Variants in MCC observed in about 807,000 individuals in gnomAD.
MCC encodes colorectal mutant cancer protein.
A neutral mutation model predicts 116.2 loss-of-function variants in MCC; 90 were observed. The observed-to-expected ratio is 0.77, with a 90% CI of 0.65 to 0.92. The LOEUF (loss-of-function observed/expected upper bound fraction) is 0.92, where lower values mean the gene tolerates loss of function less well. Ranked by LOEUF, MCC falls within the 40% of genes least tolerant of loss-of-function variation. MCC has a pLI of 0.00. For synonymous variants in MCC, 578 were observed against 510.5 expected, an observed-to-expected ratio of 1.13 and a Z score of -1.78; for missense variants, 1,516 against 1,312.2, an observed-to-expected ratio of 1.16 and a Z score of -2.40.
At chr5:113,191,156 G>A (rs1762131867) in intron 3 of MCC, among the ~76,000 whole-genome samples, 1 of 152,182 alleles carries the variant, frequency 6.6e-6, no homozygotes, top group African/African-American at 2.4e-5. Context: ...CAGAAGGTAG[G>A]AGGCTGCTTA....
chr5:113,160,917 A>G (rs1760447982), intron 3 of MCC, among the ~76,000 whole-genome samples: 1 of 152,164 alleles, frequency 6.6e-6, no homozygotes, highest in Non-Finnish European at 1.5e-5. Flanking sequence ...ACAAACACCT[A>G]ACTTTGCTGC....
At chr5:113,399,251 C>G (rs1373230539) in intron 1 of MCC, among the ~76,000 whole-genome samples, 2 of 152,214 alleles carry the variant, frequency 1.3e-5, no homozygotes, top group East Asian at 3.9e-4. Flanking sequence ...TTTGGGAGGC[C>G]GAGGCAGGCG....
intron 3 of MCC, among the ~76,000 whole-genome samples, chr5:113,284,258 G>C (rs1766161419): frequency 6.6e-6 from 1 of 152,212 alleles, no homozygotes; most frequent in Admixed American, 6.5e-5. Flanking sequence ...GCTGAGGTGG[G>C]ACGATCACTT....
rs1750337626 is a variant in MCC at position 113,023,848 on chromosome 5, TC to T, written c.*3453del. 6.6e-6 allele frequency: 1 copy of T among 152,232 alleles called. No homozygotes were observed. Among genetic ancestry groups the T allele is most frequent in the South Asian group, 2.1e-4 (1 of 4,830 alleles). The allele number at this position is 152,232 out of a possible 1,614,324, so 9.4% of individuals were successfully genotyped here. Reference sequence around the variant, plus strand: ...TTAAAAAGTGATTGCTTTATAATTCTCGTGGGCCATAGGAAACACCTTCAGA... The same window carrying T: ...TTAAAAAGTGATTGCTTTATAATTCTGTGGGCCATAGGAAACACCTTCAGA... On this transcript the variant is annotated 3_prime_UTR_variant, in exon 19 of 19. Coordinates refer to ENST00000408903, the MANE Select transcript of MCC (RefSeq NM_001085377.2).
intron 18 of MCC, 151 bp downstream of exon 18, chr5:113,028,783 T>C: frequency 2.4e-6 from 2 of 837,918 alleles, no homozygotes; most frequent in Non-Finnish European, 3.6e-6. Flanking sequence ...ACCAGGCTCT[T>C]AGAGAGCCAG....
At chr5:113,252,007 A>G (rs1335835812) in intron 3 of MCC, among the ~76,000 whole-genome samples, 4 of 152,232 alleles carry the variant, frequency 2.6e-5, no homozygotes, top group Non-Finnish European at 5.9e-5. Flanking sequence ...TTACCAGATT[A>G]AATCAAATAA....
intron 1 of MCC, among the ~76,000 whole-genome samples, chr5:113,430,138 T>C (rs972978423): frequency 2.0e-5 from 3 of 152,254 alleles, no homozygotes; most frequent in East Asian, 1.9e-4. Flanking sequence ...AAAGTATGTG[T>C]GACTCTGTTA....
chr5:113,078,112 T>A (rs1451439916), intron 11 of MCC, among the ~76,000 whole-genome samples: 3 of 151,826 alleles, frequency 2.0e-5, no homozygotes, highest in Non-Finnish European at 4.4e-5. Context: ...CGGGAAGGAG[T>A]TGAATCCCTG....
Position 113,053,949 on chromosome 5 carries a change from A to G in MCC, c.2224T>C (p.Ser742Pro), listed in dbSNP as rs1580937393. The G allele has an allele frequency of 6.2e-7, 1 of 1,611,564 alleles. No individual in the cohort carries two copies. The highest frequency in any genetic ancestry group is 8.5e-7 in the Non-Finnish European group (1 of 1,177,928). The change falls in exon 15 of 19, where the codon TCC (serine) becomes CCC (proline). Residue 742 changes from serine to proline, a missense_variant. Transcript: ENST00000408903. ...SSNSHTSTTS[S>P]TASSCDTEFT... ...TCGGTGTCGCAACTACTGGCTGTGG[A>G]GCTGGTTGTGCTGAGAAAGAAGAAA...
intron 11 of MCC, among the ~76,000 whole-genome samples, chr5:113,076,827 G>A (rs1458890913): frequency 6.6e-6 from 1 of 152,144 alleles, no homozygotes; most frequent in African/African-American, 2.4e-5. Context: ...AAATGTAAAT[G>A]GGCTAAATGT....
intron 6 of MCC, among the ~76,000 whole-genome samples, chr5:113,110,815 AAC>A (rs1274820143): frequency 6.6e-6 from 1 of 152,194 alleles, no homozygotes; most frequent in Non-Finnish European, 1.5e-5. Flanking sequence ...TTATTTTTAA[AAC>A]AGTTTTTGAG....
intron 7 of MCC, among the ~76,000 whole-genome samples, chr5:113,102,957 T>C (rs557265610): frequency 1.1e-4 from 16 of 151,766 alleles, no homozygotes; most frequent in Admixed American, 9.2e-4. Context: ...CTACTAAAAA[T>C]ACAAAATTTA....
chr5:113,077,071 T>C (rs368157455), intron 11 of MCC, among the ~76,000 whole-genome samples: 11,863 of 152,120 alleles, frequency 0.078, 516 homozygotes, highest in African/African-American at 0.084. Context: ...GGCCATTACA[T>C]AATGGTAAAG....
At chr5:113,362,837 T>C (rs767486528) in intron 2 of MCC, among the ~76,000 whole-genome samples, 1 of 152,186 alleles carries the variant, frequency 6.6e-6, no homozygotes, top group Non-Finnish European at 1.5e-5. Flanking sequence ...AACATAATTG[T>C]CTTTTTTTAC....
chr5:113,237,558 G>T (rs1402784883), intron 3 of MCC, among the ~76,000 whole-genome samples: 1 of 152,148 alleles, frequency 6.6e-6, no homozygotes, highest in Admixed American at 6.6e-5. Flanking sequence ...TGCCAAGAAG[G>T]GTTACTTGCA....
At chr5:113,042,194 G>A (rs1277697470) in intron 17 of MCC, among the ~76,000 whole-genome samples, 3 of 151,670 alleles carry the variant, frequency 2.0e-5, no homozygotes, top group East Asian at 3.9e-4. Context: ...TTTAAGGGCC[G>A]GGCAGGGCAC....
intron 2 of MCC, among the ~76,000 whole-genome samples, chr5:113,384,589 C>T (rs771225897): frequency 3.3e-5 from 5 of 152,032 alleles, no homozygotes; most frequent in Non-Finnish European, 7.4e-5. Context: ...CTCCGTCCCC[C>T]GCCCCCCAAA....
chr5:113,380,486 T>G (rs897581989), intron 2 of MCC, among the ~76,000 whole-genome samples: 1 of 149,340 alleles, frequency 6.7e-6, no homozygotes, highest in African/African-American at 2.5e-5. Flanking sequence ...TAAAGTAGCA[T>G]GACAGTGCAT....
intron 5 of MCC, among the ~76,000 whole-genome samples, chr5:113,135,246 A>G (rs1481055489): frequency 6.9e-6 from 1 of 144,058 alleles, no homozygotes; most frequent in Non-Finnish European, 1.5e-5. Context: ...TCGGTCTTTT[A>G]CTTCTTTGGT....
Sources: allele counts gnomAD v4.1 joint callset (sites outside exome capture counted in the v4.1 genomes callset), GRCh38; gene constraint gnomAD v4.1.1; transcripts MANE v1.5; gene names NCBI Gene and HGNC (gene_info 2026-07-23, HGNC 2026-07-21).